NWD2: variants seen among roughly 807,000 people sequenced by gnomAD.
NWD2 encodes the protein NACHT and WD repeat domain-containing protein 2.
NWD2 carries 37 observed loss-of-function variants against 132.7 expected under a neutral mutation model. The ratio of observed to expected loss-of-function variants is 0.28; its 90% CI spans 0.21 to 0.37. The LOEUF (loss-of-function observed/expected upper bound fraction) is 0.37. NWD2 is among the 10% of genes least tolerant of loss of function. The pLI is 1.00. For missense variants in NWD2, 1,592 were observed against 2,122.4 expected (o/e 0.75, Z 4.91); for synonymous variants, 705 against 803.0 (o/e 0.88, Z 2.06).
At chr4:37,389,067 C>A (rs1167377395) in intron 3 of NWD2, among the ~76,000 whole-genome samples, 2 of 152,286 alleles carry the variant, frequency 1.3e-5, no homozygotes, top group East Asian at 3.9e-4. Flanking sequence ...GCTGCAATGA[C>A]AGATGATCAA....
intron 1 of NWD2, among the ~76,000 whole-genome samples, chr4:37,246,577 A>G (rs1717249739): frequency 6.6e-6 from 1 of 152,204 alleles, no homozygotes; most frequent in South Asian, 2.1e-4. Flanking sequence ...ATTTGTACCT[A>G]TATCTGGATT....
chr4:37,258,035 A>G (rs978674961), intron 1 of NWD2, among the ~76,000 whole-genome samples: 4 of 152,242 alleles, frequency 2.6e-5, no homozygotes, highest in African/African-American at 9.6e-5. Flanking sequence ...TTAAACCTAC[A>G]TAAAAGTTCA....
chr4:37,364,000 T>C (rs547507621), intron 3 of NWD2, among the ~76,000 whole-genome samples: 1 of 148,062 alleles, frequency 6.8e-6, no homozygotes, highest in East Asian at 2.0e-4. Context: ...GGAATGGTGG[T>C]GCATGCCTGT....
intron 3 of NWD2, among the ~76,000 whole-genome samples, chr4:37,420,390 A>G (rs1577697785): frequency 6.6e-6 from 1 of 152,264 alleles, no homozygotes; most frequent in East Asian, 1.9e-4. Flanking sequence ...CTGCTCTCCT[A>G]GGAGAAAGGC....
intron 3 of NWD2, among the ~76,000 whole-genome samples, chr4:37,400,647 T>C (rs1720880633): frequency 1.3e-5 from 2 of 152,248 alleles, no homozygotes; most frequent in Admixed American, 1.3e-4. Flanking sequence ...TTATGGAAGC[T>C]ATGATGGAGT....
intron 2 of NWD2, among the ~76,000 whole-genome samples, chr4:37,328,386 C>T (rs1719217785): frequency 6.6e-6 from 1 of 152,238 alleles, no homozygotes; most frequent in Admixed American, 6.5e-5. Flanking sequence ...CTAATGCTAT[C>T]ACTCCCCTAG....
chr4:37,382,104 C>T (rs749742556), intron 3 of NWD2, among the ~76,000 whole-genome samples: 1 of 152,130 alleles, frequency 6.6e-6, no homozygotes, highest in African/African-American at 2.4e-5. Context: ...CAGCAAACAC[C>T]CATGAAATGT....
At chr4:37,289,122 G>A (rs1435679196) in intron 1 of NWD2, among the ~76,000 whole-genome samples, 2 of 152,082 alleles carry the variant, frequency 1.3e-5, no homozygotes, top group Admixed American at 1.3e-4. Flanking sequence ...GATTGTCAGT[G>A]ACTTCTCATA....
intron 5 of NWD2, among the ~76,000 whole-genome samples, chr4:37,436,212 A>G (rs1712317949): frequency 6.6e-6 from 1 of 152,212 alleles, no homozygotes; most frequent in Non-Finnish European, 1.5e-5. Context: ...CACTGGTTAA[A>G]TTTCAGGACA....
In NWD2 at chr4:37,245,164, C is replaced by A; in HGVS notation, c.97C>A (p.His33Asn). 4 of 1,546,200 alleles carry A rather than the reference C, an allele frequency of 2.6e-6. No individual in the cohort carries two copies. The highest frequency in any genetic ancestry group is 3.5e-6 in the Non-Finnish European group (4 of 1,146,314). The change falls in exon 1 of 7, where the codon CAC becomes AAC. Residue 33 changes from histidine (H) to asparagine (N), a missense_variant. Coordinates refer to ENST00000309447, the MANE Select transcript of NWD2 (RefSeq NM_001144990.2). ...TGGGAACCTCACGGCCCTGCCCTCTCACCTCGTGCCCGCCGGCCGCAGCGT... is the reference window on the plus strand; with the variant it reads ...TGGGAACCTCACGGCCCTGCCCTCTAACCTCGTGCCCGCCGGCCGCAGCGT... ...FSGNLTALPS[H>N]LVPAGRSVRV... is the part of the protein sequence containing the mutation.
chr4:37,445,003 C>T lies in NWD2; in HGVS notation c.3015C>T (p.Ile1005=). 6.4e-7 allele frequency: 1 copy of T among 1,551,928 alleles called. No individual in the cohort carries two copies. Among genetic ancestry groups the T allele is most frequent in the South Asian group, 1.2e-5 (1 of 84,054 alleles). ...DVETRQLLRQ[I]TTAQSVILGM... is the part of the protein sequence containing the mutation. ...AGACTCGACAGCTACTCAGGCAAATCACCACAGCCCAGTCTGTCATCCTGG... is the reference window on the plus strand; with the variant it reads ...AGACTCGACAGCTACTCAGGCAAATTACCACAGCCCAGTCTGTCATCCTGG... Residue 1005 remains isoleucine, a synonymous_variant, in exon 7 of 7, where the codon ATC becomes ATT. Coordinates refer to ENST00000309447, the MANE Select transcript of NWD2 (RefSeq NM_001144990.2). The surrounding 1 kb of genome is among the most constrained non-coding windows in gnomAD (Gnocchi z 4.7).
At chr4:37,307,469 G>A (rs925414119) in intron 1 of NWD2, among the ~76,000 whole-genome samples, 1 of 152,106 alleles carries the variant, frequency 6.6e-6, no homozygotes, top group African/African-American at 2.4e-5. Flanking sequence ...CTCCATGCCT[G>A]TAAGGTTTTT....
At chr4:37,261,110 T>C (rs1262008525) in intron 1 of NWD2, among the ~76,000 whole-genome samples, 1 of 152,222 alleles carries the variant, frequency 6.6e-6, no homozygotes, top group Non-Finnish European at 1.5e-5. Flanking sequence ...CTTGGCACAA[T>C]GAGCTTTCAT....
At chr4:37,369,158 T>C (rs145765124) in intron 3 of NWD2, among the ~76,000 whole-genome samples, 101 of 152,300 alleles carry the variant, frequency 6.6e-4, no homozygotes, top group African/African-American at 2.3e-3. Flanking sequence ...CTGAAACACA[T>C]GTTATGGAGA....
Position 37,416,708 on chromosome 4 carries a change from T to C in NWD2, c.358-13864T>C, listed in dbSNP as rs554089402. Among the ~76,000 whole-genome samples the C allele has an allele frequency of 5.9e-5, 9 of 152,214 alleles. 1 individual carries two copies. Among genetic ancestry groups the C allele is most frequent in the African/African-American group, 1.9e-4 (8 of 41,510 alleles). On this transcript the variant is annotated intron_variant, in intron 3 of 6. Coordinates refer to ENST00000309447, the MANE Select transcript of NWD2 (RefSeq NM_001144990.2). ...CAAAAATATAGAACCAGACCAGATG[T>C]CCATCAATCAACAAGTGGATAAAAA...
intron 5 of NWD2, among the ~76,000 whole-genome samples, chr4:37,436,370 C>G (rs932644599): frequency 6.6e-6 from 1 of 152,124 alleles, no homozygotes; most frequent in African/African-American, 2.4e-5. Context: ...CTAAAAATAA[C>G]TCTGTAGAGT....
chr4:37,408,305 C>T (rs1721085416), intron 3 of NWD2, among the ~76,000 whole-genome samples: 2 of 152,176 alleles, frequency 1.3e-5, no homozygotes, highest in Admixed American at 6.5e-5. Flanking sequence ...GCCAGCACAG[C>T]AGCAGTCTGA....
chr4:37,368,763 G>A (rs1720150084), intron 3 of NWD2, among the ~76,000 whole-genome samples: 2 of 152,100 alleles, frequency 1.3e-5, no homozygotes, highest in Middle Eastern at 3.2e-3. Context: ...TAGTGACAGG[G>A]CATTATGGAA....
chr4:37,411,697 G>A (rs556457876), intron 3 of NWD2, among the ~76,000 whole-genome samples: 3 of 152,126 alleles, frequency 2.0e-5, no homozygotes, highest in South Asian at 2.1e-4. Flanking sequence ...AAAATTTAGG[G>A]CCAGTATCTC....
Sources: gnomAD v4.1 joint callset for allele counts (sites outside exome capture counted in the v4.1 genomes callset) on GRCh38, gnomAD v4.1.1 for gene constraint, Gnocchi (gnomAD v3.1) non-coding constraint, MANE v1.5 for transcripts, NCBI Gene and HGNC (gene_info 2026-07-23, HGNC 2026-07-21) for gene names.